The following VWA8 variants were observed in gnomAD, a reference collection of about 807,000 sequenced individuals.
VWA8 encodes the protein von Willebrand factor A domain-containing protein 8.
Under a neutral mutation model 241.5 loss-of-function variants are expected in VWA8, and 221 were observed. The observed-to-expected ratio is 0.91, with a 90% CI of 0.82 to 1.02. The LOEUF (loss-of-function observed/expected upper bound fraction) is 1.02. Among genes scored for constraint, VWA8 ranks in the 50% least tolerant of loss-of-function variants. The probability of loss-of-function intolerance (pLI) is 0.00; values close to 1 mark genes in which losing one functional copy is unlikely to be tolerated. For synonymous variants in VWA8, 852 were observed against 827.1 expected (o/e 1.03, Z -0.52); for missense variants, 2,322 against 2,328.7 (o/e 1.00, Z 0.06).
intron 35 of VWA8, among the ~76,000 whole-genome samples, chr13:41,682,648 T>C (rs1293352866): frequency 6.6e-6 from 1 of 152,144 alleles, no homozygotes. Flanking sequence ...CTCAGTAGCC[T>C]GAGTTGGGTG....
intron 17 of VWA8, among the ~76,000 whole-genome samples, chr13:41,790,509 T>C (rs947973356): frequency 6.6e-6 from 1 of 152,044 alleles, no homozygotes; most frequent in African/African-American, 2.4e-5. Flanking sequence ...TACTTCAATA[T>C]CAGAAACAGT....
Position 41,611,590 on chromosome 13 carries a change from T to C in VWA8, c.4863A>G (p.Arg1621=), listed in dbSNP as rs1213527763. Residue 1621 remains arginine (R), a synonymous_variant, in exon 39 of 45, where the codon AGA becomes AGG. Coordinates refer to ENST00000379310, the MANE Select transcript of VWA8 (RefSeq NM_015058.2). ...GGAGCACTGACCTCTGCTGGAATGC[T>C]CTCTGGCCCATCTCTCTAGCAGCTC... ...VKRAAREMGQ[R]AFQQRLKEIQ... 5 of 1,613,874 alleles carry C rather than the reference T, an allele frequency of 3.1e-6. No homozygotes were observed. The highest frequency in any genetic ancestry group is 4.2e-6 in the Non-Finnish European group (5 of 1,179,912).
At chr13:41,859,918 A>T (rs1313929602) in intron 12 of VWA8, among the ~76,000 whole-genome samples, 1 of 152,210 alleles carries the variant, frequency 6.6e-6, no homozygotes, top group African/African-American at 2.4e-5. Flanking sequence ...CAGATGGTGT[A>T]TCTACTTTTT....
intron 21 of VWA8, among the ~76,000 whole-genome samples, chr13:41,743,073 A>G (rs1345382004): frequency 6.6e-6 from 1 of 152,236 alleles, no homozygotes; most frequent in African/African-American, 2.4e-5. Flanking sequence ...AGTAATAGAT[A>G]TGGTATGTGA....
At chr13:41,862,503 C>T (rs2324836) in intron 12 of VWA8, among the ~76,000 whole-genome samples, 36,882 of 152,144 alleles carry the variant, frequency 0.24, 5,318 homozygotes, top group Non-Finnish European at 0.31. Context: ...GCAAAGTAAG[C>T]AGACAACCTC....
chr13:41,642,744 C>T (rs532562885), intron 37 of VWA8, among the ~76,000 whole-genome samples: 1 of 151,234 alleles, frequency 6.6e-6, no homozygotes, highest in African/African-American at 2.4e-5. Flanking sequence ...GCCTGACCAA[C>T]AAGGTGAAAC....
At chr13:41,764,309 C>G (rs2045763792) in intron 20 of VWA8, among the ~76,000 whole-genome samples, 1 of 152,122 alleles carries the variant, frequency 6.6e-6, no homozygotes, top group African/African-American at 2.4e-5. Flanking sequence ...ATTCCTCTTT[C>G]CCTTCCAACA....
chr13:41,722,350 G>A (rs1435769140), intron 24 of VWA8, among the ~76,000 whole-genome samples: 2 of 151,966 alleles, frequency 1.3e-5, no homozygotes, highest in African/African-American at 4.8e-5. Context: ...TAAGAGACCA[G>A]GGATCAAATG....
chr13:41,787,966 G>C (rs1368564569), intron 17 of VWA8, among the ~76,000 whole-genome samples: 2 of 152,092 alleles, frequency 1.3e-5, no homozygotes, highest in African/African-American at 4.8e-5. Context: ...ATTTTCTTTA[G>C]TTTCTAACAT....
At chr13:41,834,956 T>C (rs1871649907) in intron 12 of VWA8, among the ~76,000 whole-genome samples, 1 of 152,128 alleles carries the variant, frequency 6.6e-6, no homozygotes, top group Non-Finnish European at 1.5e-5. Flanking sequence ...CTAGAGGCCA[T>C]TATTCTTAGC....
At chr13:41,611,522 C>T (rs1240994967) in intron 39 of VWA8, 54 bp downstream of exon 39, 4 of 1,583,800 alleles carry the variant, frequency 2.5e-6, no homozygotes, top group Non-Finnish European at 3.4e-6. Flanking sequence ...CACAGTCCAT[C>T]ATGACATTTC....
At chr13:41,922,094 C>G (rs192282805) in intron 2 of VWA8, among the ~76,000 whole-genome samples, 3 of 152,130 alleles carry the variant, frequency 2.0e-5, no homozygotes, top group Non-Finnish European at 2.9e-5. Flanking sequence ...AGATATAGAT[C>G]AATGGAACAG....
intron 1 of VWA8, among the ~76,000 whole-genome samples, chr13:41,951,577 G>C (rs527817248): frequency 6.6e-6 from 1 of 152,234 alleles, no homozygotes; most frequent in South Asian, 2.1e-4. Flanking sequence ...TCCCCGCTGT[G>C]CTCTCTCTAA....
At chr13:41,755,660 C>T (rs1347792189) in intron 21 of VWA8, among the ~76,000 whole-genome samples, 1 of 151,776 alleles carries the variant, frequency 6.6e-6, no homozygotes, top group Non-Finnish European at 1.5e-5. Flanking sequence ...TTAAAGACAT[C>T]CTAGGCAGAA....
At chr13:41,838,654 G>C (rs905971518) in intron 12 of VWA8, among the ~76,000 whole-genome samples, 1 of 152,054 alleles carries the variant, frequency 6.6e-6, no homozygotes, top group South Asian at 2.1e-4. Context: ...AAGGAAAGAT[G>C]AAACTAAGGA....
chr13:41,744,123 A>G (rs937362987), intron 21 of VWA8, among the ~76,000 whole-genome samples: 2 of 152,188 alleles, frequency 1.3e-5, no homozygotes, highest in African/African-American at 4.8e-5. Flanking sequence ...GGGGTAACTG[A>G]GTAGTAACAT....
At chr13:41,915,317 C>A (rs1277526406) in intron 2 of VWA8, among the ~76,000 whole-genome samples, 1 of 152,200 alleles carries the variant, frequency 6.6e-6, no homozygotes, top group Non-Finnish European at 1.5e-5. Flanking sequence ...CTCAGTCCTT[C>A]CTTTATTCTT....
At chr13:41,868,217 C>G in intron 10 of VWA8, 129 bp downstream of exon 10, 1 of 1,026,382 alleles carries the variant, frequency 9.7e-7, no homozygotes, top group Non-Finnish European at 1.4e-6. Flanking sequence ...GAGACATAGA[C>G]ATATAGATAC....
At chr13:41,958,915 G>T (rs370336728) in intron 1 of VWA8, among the ~76,000 whole-genome samples, 5 of 152,170 alleles carry the variant, frequency 3.3e-5, no homozygotes, top group Admixed American at 2.6e-4. Flanking sequence ...CTACCAATAC[G>T]TATATAATAC....
Sources: gnomAD v4.1 joint callset for allele counts (sites outside exome capture counted in the v4.1 genomes callset) on GRCh38, gnomAD v4.1.1 for gene constraint, MANE v1.5 for transcripts, NCBI Gene and HGNC (gene_info 2026-07-23, HGNC 2026-07-21) for gene names.